Variants in NELL2 observed in about 807,000 individuals in gnomAD.
NELL2 encodes neural EGFL like 2, also known as protein kinase C-binding protein NELL2.
NELL2 carries 41 observed loss-of-function variants against 109.6 expected under a neutral mutation model. The observed-to-expected ratio is 0.37, with a 90% CI of 0.29 to 0.49. The LOEUF (loss-of-function observed/expected upper bound fraction) is 0.49, where lower values mean the gene tolerates loss of function less well. Among genes scored for constraint, NELL2 ranks in the 20% least tolerant of loss-of-function variants. The probability of loss-of-function intolerance (pLI) is 0.98; values close to 1 mark genes in which losing one functional copy is unlikely to be tolerated. For synonymous variants in NELL2, 355 were observed against 344.7 expected (o/e 1.03, Z -0.33); for missense variants, 900 against 1,008.3 (o/e 0.89, Z 1.45).
chr12:44,872,679 G>A lies in NELL2; in HGVS notation c.184+2546C>T, dbSNP rs558633912. Among the ~76,000 whole-genome samples the A allele has an allele frequency of 3.3e-5, 5 of 152,134 alleles. No homozygotes were observed. The East Asian group carries it at 7.7e-4, about 23-fold the overall frequency. On this transcript the variant is annotated intron_variant, in intron 2 of 19. Transcript: ENST00000429094. ...TACATTACTGCAGGAAAAATTTGAT[G>A]GTCCAAAAATCTCTTCCATCTATTT...
chr12:44,843,344 G>A (rs945621994), intron 2 of NELL2, among the ~76,000 whole-genome samples: 2 of 152,056 alleles, frequency 1.3e-5, no homozygotes, highest in Admixed American at 6.5e-5. Flanking sequence ...GCAAATTAAA[G>A]CCAGAGGAGA....
intron 9 of NELL2, among the ~76,000 whole-genome samples, chr12:44,725,796 C>T (rs1483388857): frequency 3.3e-5 from 5 of 151,944 alleles, no homozygotes; most frequent in African/African-American, 7.3e-5. Context: ...GGGAACTAAA[C>T]GATAAGAACT....
chr12:44,547,923 C>G (rs1339403352), intron 15 of NELL2, among the ~76,000 whole-genome samples: 2 of 152,170 alleles, frequency 1.3e-5, no homozygotes, highest in Non-Finnish European at 2.9e-5. Flanking sequence ...GGCTGCTGTT[C>G]TTAACTTTCT....
rs57205620 is a variant in NELL2, at chr12:44,540,781, C to CAAAAAAAAAAAAAAAAAAAAAAAAAAA, written c.1664-8061_1664-8060insTTTTTTTTTTTTTTTTTTTTTTTTTTT. Among the ~76,000 whole-genome samples the CAAAAAAAAAAAAAAAAAAAAAAAAAAA allele has an allele frequency of 1.4e-4, 7 of 49,750 alleles. 1 individual carries two copies. Among genetic ancestry groups the CAAAAAAAAAAAAAAAAAAAAAAAAAAA allele is most frequent in the Non-Finnish European group, 1.7e-4 (5 of 29,508 alleles). The allele number at this position is 49,750 out of a possible 152,430, so 32.6% of individuals were successfully genotyped here. A position where few individuals can be genotyped will look rare whatever the true frequency, so the allele number is the denominator to read the frequency against. Reference sequence around the variant, plus strand: ...AGCTTACTAATGTAAGTCTGCAAGCCAAAAAAAAAAAAAAAAAGCCCATCC... The same window carrying CAAAAAAAAAAAAAAAAAAAAAAAAAAA: ...AGCTTACTAATGTAAGTCTGCAAGCCAAAAAAAAAAAAAAAAAAAAAAAAAAAAAAAAAAAAAAAAAAAAGCCCATCC... On this transcript the variant is annotated intron_variant, in intron 15 of 19. Transcript: ENST00000429094.
intron 3 of NELL2, among the ~76,000 whole-genome samples, chr12:44,795,711 G>A (rs1288457444): frequency 6.6e-6 from 1 of 151,930 alleles, no homozygotes; most frequent in African/African-American, 2.4e-5. Context: ...TGGTATGCGG[G>A]GACTCTAGTA....
chr12:44,536,049 G>T (rs1265465838), intron 15 of NELL2, among the ~76,000 whole-genome samples: 1 of 151,918 alleles, frequency 6.6e-6, no homozygotes, highest in Middle Eastern at 3.4e-3. Flanking sequence ...ATTTTGATTT[G>T]TTTATGCAAA....
chr12:44,840,507 G>A (rs1171564903), intron 2 of NELL2, among the ~76,000 whole-genome samples: 1 of 152,062 alleles, frequency 6.6e-6, no homozygotes, highest in Non-Finnish European at 1.5e-5. Flanking sequence ...CGTGGTGGTG[G>A]GCGCCTGTAG....
intron 19 of NELL2, among the ~76,000 whole-genome samples, chr12:44,512,415 A>G (rs995238399): frequency 7.9e-5 from 12 of 152,210 alleles, no homozygotes; most frequent in Admixed American, 2.6e-4. Context: ...AAAAAACAGT[A>G]TGAAAGTTTC....
intron 1 of NELL2, among the ~76,000 whole-genome samples, chr12:44,885,766 A>C (rs1016794629): frequency 4.6e-5 from 7 of 151,888 alleles, no homozygotes; most frequent in African/African-American, 1.7e-4. Flanking sequence ...ATTTTGTAGC[A>C]ATTAATAAGC....
At chr12:44,644,554 A>G (rs931632089) in intron 13 of NELL2, among the ~76,000 whole-genome samples, 2 of 143,952 alleles carry the variant, frequency 1.4e-5, no homozygotes, top group Non-Finnish European at 3.0e-5. Flanking sequence ...TAAACCCTGA[A>G]GACATCCTAT....
At chr12:44,820,182 C>G (rs147448049) in intron 2 of NELL2, among the ~76,000 whole-genome samples, 1 of 152,134 alleles carries the variant, frequency 6.6e-6, no homozygotes, top group South Asian at 2.1e-4. Flanking sequence ...AATATTTAAA[C>G]GTATTGTTCC....
intron 13 of NELL2, among the ~76,000 whole-genome samples, chr12:44,631,850 T>C (rs182974889): frequency 5.3e-4 from 80 of 152,226 alleles, no homozygotes; most frequent in African/African-American, 1.6e-3. Flanking sequence ...ACCCTGATCC[T>C]AAGCCCGATA....
At position 44,508,948 on chromosome 12, in the gene NELL2, G is replaced by A. The variant is rs770135751; in HGVS notation, c.2437C>T (p.Leu813Phe). The change falls in exon 20 of 20, where the codon CTT becomes TTT. Residue 813 changes from leucine (L) to phenylalanine (F), a missense_variant. Physicochemically the swap from Leu to Phe is conservative, Grantham distance 22. Around this residue, in one of 4 missense-constraint regions of NELL2, gnomAD observed 333 missense variants for 432.3 expected, o/e 0.77. Coordinates refer to ENST00000429094, the MANE Select transcript of NELL2 (RefSeq NM_001145108.2). ...HICCSVDPQC[L>F]QEL ...GACAGTTAACTTCACAGTTCCTGAA[G>A]GCACTGTGGATCCACTGAGCAACAG... 1 of 1,612,502 alleles carries A rather than the reference G, an allele frequency of 6.2e-7. No homozygotes were observed. The highest frequency in any genetic ancestry group is 1.1e-5 in the South Asian group (1 of 90,952).
rs566000995 is a variant in NELL2, at chr12:44,713,335, T to C, written c.1086+1315A>G. Among the ~76,000 whole-genome samples the C allele has an allele frequency of 2.0e-5, 3 of 151,950 alleles. No homozygotes were observed. The East Asian group carries it at 5.8e-4, about 29-fold the overall frequency. The stretch of plus-strand genomic sequence containing the variant: ...AAAATTTTAATGTTAGAGATTACTA[T>C]TAGAAGCCAGCTGGCAGAAGTTTTC... On this transcript the variant is annotated intron_variant, in intron 10 of 19. Transcript: ENST00000429094.
chr12:44,714,611 T>A, intron 10 of NELL2, 39 bp downstream of exon 10: 1 of 1,299,276 alleles, frequency 7.7e-7, no homozygotes, highest in South Asian at 1.4e-5. Context: ...TGTTTATAAA[T>A]AGAAACAATT....
intron 13 of NELL2, among the ~76,000 whole-genome samples, chr12:44,636,044 C>T (rs1223321576): frequency 6.6e-6 from 1 of 152,084 alleles, no homozygotes; most frequent in Non-Finnish European, 1.5e-5. Context: ...CTCTTTGTAG[C>T]AATTGTGAAT....
chr12:44,837,025 C>T (rs115738657), intron 2 of NELL2, among the ~76,000 whole-genome samples: 43 of 152,182 alleles, frequency 2.8e-4, no homozygotes, highest in African/African-American at 1.0e-3. Context: ...AGGGGCCAGG[C>T]CTATTTGGCA....
chr12:44,580,352 C>T (rs978979760), intron 15 of NELL2, among the ~76,000 whole-genome samples: 1 of 152,124 alleles, frequency 6.6e-6, no homozygotes, highest in African/African-American at 2.4e-5. Flanking sequence ...ACTGCCTTGT[C>T]TCACAGATCT....
intron 2 of NELL2, among the ~76,000 whole-genome samples, chr12:44,849,407 T>G (rs1331116257): frequency 6.6e-6 from 1 of 152,144 alleles, no homozygotes; most frequent in East Asian, 1.9e-4. Context: ...AAATATATAA[T>G]GATCAGTGAA....
Sources: allele counts gnomAD v4.1 joint callset (sites outside exome capture counted in the v4.1 genomes callset), GRCh38; gene constraint gnomAD v4.1.1; regional missense constraint gnomAD v4.1.1; transcripts MANE v1.5; gene names NCBI Gene and HGNC (gene_info 2026-07-23, HGNC 2026-07-21).